SWI5: variants seen among roughly 807,000 people sequenced by gnomAD.
SWI5 encodes DNA repair protein SWI5 homolog.
A neutral mutation model predicts 17.0 loss-of-function variants in SWI5; 12 were observed. That is an observed-to-expected ratio of 0.71 (90% CI 0.45 to 1.14). The LOEUF (loss-of-function observed/expected upper bound fraction) is 1.14. Ranked by LOEUF, SWI5 falls within the 50% of genes most tolerant of loss-of-function variation. The pLI, the probability that SWI5 is intolerant of heterozygous loss-of-function variation, is 0.00. For synonymous variants in SWI5, 61 were observed against 64.0 expected (o/e 0.95, Z 0.22); for missense variants, 158 against 162.2 (o/e 0.97, Z 0.14).
At chr9:128,283,915 C>T in intron 2 of SWI5, among the ~76,000 whole-genome samples, 1 of 151,774 alleles carries the variant, frequency 6.6e-6, no homozygotes, top group Non-Finnish European at 1.5e-5. Context: ...ATCACCTAAG[C>T]CCAGGAGTTC....
At chr9:128,287,181 G>A (rs926083022) in intron 4 of SWI5, among the ~76,000 whole-genome samples, 15 of 145,146 alleles carry the variant, frequency 1.0e-4, no homozygotes, top group South Asian at 2.2e-4. Context: ...TCGCTGGCTC[G>A]CACTTGTATC....
chr9:128,275,836 CT>C (rs1831314213), upstream of SWI5: 3 of 906,226 alleles, frequency 3.3e-6, no homozygotes. Context: ...GGCCATGGTC[CT>C]GCCATCGGAG....
chr9:128,281,034 T>C (rs112499729), intron 2 of SWI5, among the ~76,000 whole-genome samples: 11,020 of 130,872 alleles, frequency 0.084, 816 homozygotes, highest in African/African-American at 0.21. Context: ...CATGCTTTTT[T>C]TTTTTTTTTT....
chr9:128,282,887 C>G (rs1831565351), intron 2 of SWI5, among the ~76,000 whole-genome samples: 2 of 152,216 alleles, frequency 1.3e-5, no homozygotes, highest in African/African-American at 4.8e-5. Flanking sequence ...AGATTATAAA[C>G]CCAGTGACAG....
At chr9:128,281,808 C>T (rs1200339825) in intron 2 of SWI5, among the ~76,000 whole-genome samples, 1 of 152,214 alleles carries the variant, frequency 6.6e-6, no homozygotes, top group African/African-American at 2.4e-5. Context: ...GGTGCGGTGG[C>T]TCATGTTTGC....
At chr9:128,277,651 C>G (rs372230105) in intron 2 of SWI5, among the ~76,000 whole-genome samples, 1 of 152,336 alleles carries the variant, frequency 6.6e-6, no homozygotes, top group East Asian at 1.9e-4. Context: ...CCCCTGCCCT[C>G]CAGGAGCCAC....
chr9:128,277,842 G>A (rs1483627950), intron 2 of SWI5, among the ~76,000 whole-genome samples: 1 of 152,140 alleles, frequency 6.6e-6, no homozygotes, highest in Non-Finnish European at 1.5e-5. Flanking sequence ...AAAGCACTGG[G>A]CTGATTGAGC....
chr9:128,280,528 A>C (rs964560951), intron 2 of SWI5, among the ~76,000 whole-genome samples: 6 of 147,598 alleles, frequency 4.1e-5, no homozygotes, highest in African/African-American at 1.3e-4. Flanking sequence ...AAAAAAAAAA[A>C]AACAAGAGTC....
At chr9:128,280,783 C>T (rs936198807) in intron 2 of SWI5, among the ~76,000 whole-genome samples, 23 of 152,302 alleles carry the variant, frequency 1.5e-4, no homozygotes, top group Admixed American at 9.8e-4. Flanking sequence ...TCCCAAAGTG[C>T]TGGGATTACA....
At chr9:128,286,112 G>C in intron 4 of SWI5, 79 bp downstream of exon 4, 1 of 1,076,534 alleles carries the variant, frequency 9.3e-7, no homozygotes, top group South Asian at 1.4e-5. Flanking sequence ...TTTTGCTCCT[G>C]GGCCTCCCAG....
chr9:128,287,663 G>A (rs1430926467), intron 4 of SWI5, among the ~76,000 whole-genome samples: 1 of 146,656 alleles, frequency 6.8e-6, no homozygotes, highest in Non-Finnish European at 1.5e-5. Context: ...CCAGGTTCAA[G>A]TGATTCTAGT....
rs181061320 is a variant in SWI5, at chr9:128,285,327, A to C, written c.234-612A>C. 7.2e-5 allele frequency among the ~76,000 whole-genome samples: 11 copies of C among 152,062 alleles called. 1 individual carries two copies. The highest frequency in any genetic ancestry group is 2.7e-4 in the African/African-American group (11 of 41,406). On this transcript the variant is annotated intron_variant, in intron 3 of 4. Coordinates refer to ENST00000418976, the Ensembl canonical transcript of SWI5. This position sits in a 1 kb window ranked among gnomAD's most constrained non-coding sequence, Gnocchi z 4.8. Reference sequence around the variant, plus strand: ...GGAAGGAAGAAAGAAAGGAAGGACTATGCTTCTGGATTCAGGACATAGCAG... The same window carrying C: ...GGAAGGAAGAAAGAAAGGAAGGACTCTGCTTCTGGATTCAGGACATAGCAG...
rs562691586 is a variant in SWI5, at chr9:128,276,443, T to G, written c.62+41T>G. On this transcript the variant is annotated intron_variant, in intron 1 of 4. Coordinates refer to ENST00000418976, the Ensembl canonical transcript of SWI5. ...ACTCCACAGTTTCTTTCCTGACTCC[T>G]CACAGCCCTGCCCCAGACTCTCCCT... The G allele has an allele frequency of 1.1e-5, 17 of 1,604,488 alleles. 1 individual carries two copies. The East Asian group carries it at 3.4e-4, about 32-fold the overall frequency.
At chr9:128,276,206 T>C (rs769806750), upstream of SWI5, 2 of 1,606,152 alleles carry the variant, frequency 1.2e-6, no homozygotes, top group East Asian at 2.2e-5. Context: ...ACGCAACCGC[T>C]GTCCCCGCCC....
At chr9:128,283,959 A>G (rs775765003) in intron 2 of SWI5, among the ~76,000 whole-genome samples, 3 of 151,336 alleles carry the variant, frequency 2.0e-5, no homozygotes, top group Admixed American at 6.6e-5. Flanking sequence ...CGCCACTGCA[A>G]TCCAGCCTGG....
chr9:128,288,596 T>G, intron 4 of SWI5, 56 bp from the exon 5 acceptor site: 1 of 1,595,628 alleles, frequency 6.3e-7, no homozygotes, highest in Non-Finnish European at 8.6e-7. Flanking sequence ...GGGCATTGGC[T>G]GTACTCCCTC....
intron 2 of SWI5, among the ~76,000 whole-genome samples, chr9:128,283,991 A>T (rs78883638): frequency 3.0e-5 from 3 of 101,132 alleles, no homozygotes; most frequent in South Asian, 6.1e-4. Flanking sequence ...AGACCCTATT[A>T]AAAAAAAAAA....
At chr9:128,281,481 G>A (rs139624087) in intron 2 of SWI5, among the ~76,000 whole-genome samples, 10 of 152,220 alleles carry the variant, frequency 6.6e-5, no homozygotes, top group East Asian at 1.9e-4. Context: ...TAGCTTCCTC[G>A]GAGAAGCCTT....
intron 3 of SWI5, among the ~76,000 whole-genome samples, chr9:128,284,956 TAAAAAAAAAAA>T (rs570065202): frequency 1.2e-5 from 1 of 84,970 alleles, no homozygotes; most frequent in African/African-American, 5.1e-5. Flanking sequence ...AATCTGTCTT[TAAAAAAAAAAA>T]AAAAAAAAAA....
Sources: gnomAD v4.1 joint callset for allele counts (sites outside exome capture counted in the v4.1 genomes callset) on GRCh38, gnomAD v4.1.1 for gene constraint, Gnocchi (gnomAD v3.1) non-coding constraint, MANE v1.5 for transcripts, NCBI Gene and HGNC (gene_info 2026-07-23, HGNC 2026-07-21) for gene names.